Variants in CEP72 observed in about 807,000 individuals in gnomAD.
The protein encoded by CEP72 is centrosomal protein 72.
In CEP72, 78 loss-of-function variants were observed where a neutral mutation model predicts 65.7. That is an observed-to-expected ratio of 1.19 (90% confidence interval 0.99 to 1.43). The LOEUF (loss-of-function observed/expected upper bound fraction) is 1.43. CEP72 is among the 40% of genes most tolerant of loss of function. The pLI is 0.00. For missense variants in CEP72, 914 were observed against 832.9 expected (o/e 1.10, Z -1.20); for synonymous variants, 358 against 351.7 (o/e 1.02, Z -0.20).
chr5:643,512 C>G (rs975122433), intron 9 of CEP72: 1 of 985,386 alleles, frequency 1.0e-6, no homozygotes, highest in Non-Finnish European at 1.2e-6. Context: ...GGCGGGTGGG[C>G]TCACTGAGCG....
At chr5:648,063 T>C in intron 11 of CEP72, 147 bp downstream of exon 11, 1 of 612,022 alleles carries the variant, frequency 1.6e-6, no homozygotes, top group Non-Finnish European at 3.0e-6. Flanking sequence ...CACTGCTGAT[T>C]TGAAACTTTC....
At chr5:638,601 G>A (rs1182589624) in intron 7 of CEP72, among the ~76,000 whole-genome samples, 3 of 151,936 alleles carry the variant, frequency 2.0e-5, no homozygotes, top group African/African-American at 7.3e-5. Context: ...CGTGTTTGAC[G>A]TCCCCGGCAG....
chr5:638,230 C>G (rs946366536), intron 7 of CEP72, among the ~76,000 whole-genome samples: 2 of 152,148 alleles, frequency 1.3e-5, no homozygotes, highest in Admixed American at 6.5e-5. Flanking sequence ...AAGCTGGAAT[C>G]GGGCATCTTG....
downstream of CEP72, among the ~76,000 whole-genome samples, chr5:654,299 C>T (rs1739302584): frequency 6.9e-6 from 1 of 144,832 alleles, no homozygotes; most frequent in Admixed American, 6.9e-5. Context: ...TGTGCAGTTG[C>T]TGTGTGCTAG....
At chr5:654,917 CT>C (rs1386779760), downstream of CEP72, among the ~76,000 whole-genome samples, 1 of 145,872 alleles carries the variant, frequency 6.9e-6, no homozygotes, top group Non-Finnish European at 1.6e-5. Flanking sequence ...AAACGTGATG[CT>C]TTTTCATCCT....
chr5:664,826 G>A (rs1002994767), intron 2 of CEP72: 13 of 468,302 alleles, frequency 2.8e-5, no homozygotes, highest in Middle Eastern at 5.7e-4. Context: ...GCCCAGTGTG[G>A]TGTGATCCGC....
downstream of CEP72, among the ~76,000 whole-genome samples, chr5:670,299 C>T (rs1740171318): frequency 5.3e-5 from 8 of 152,244 alleles, no homozygotes; most frequent in Admixed American, 4.6e-4. Context: ...CGGGGGCCGG[C>T]GGGCGAGGTG....
downstream of CEP72, chr5:660,289 C>T (rs1226603230): frequency 6.6e-6 from 1 of 151,752 alleles, no homozygotes; most frequent in African/African-American, 2.4e-5. Flanking sequence ...CGATCCCTTT[C>T]AAGTTTCTCT....
intron 2 of CEP72, 92 bp downstream of exon 2, chr5:619,209 C>G (rs550110497): frequency 8.4e-7 from 1 of 1,193,564 alleles, no homozygotes; most frequent in South Asian, 1.3e-5. Context: ...TTGTAACCCT[C>G]TGCTTACATC....
intron 3 of CEP72, among the ~76,000 whole-genome samples, chr5:622,756 C>CT (rs981879203): frequency 1.3e-5 from 2 of 149,944 alleles, no homozygotes; most frequent in African/African-American, 2.5e-5. Context: ...AACAATGGAC[C>CT]CCCCCAAGAC....
chr5:670,199 C>T (rs985735666), downstream of CEP72, among the ~76,000 whole-genome samples: 7 of 152,252 alleles, frequency 4.6e-5, no homozygotes, highest in Admixed American at 1.3e-4. Context: ...TCCTCCGGGG[C>T]GGACGTCACA....
intron 1 of CEP72, among the ~76,000 whole-genome samples, chr5:617,495 A>G (rs902297411): frequency 2.0e-5 from 3 of 152,200 alleles, no homozygotes; most frequent in African/African-American, 7.2e-5. Context: ...TGGTCAGGAA[A>G]CCACAAGACT....
At chr5:619,722 T>C (rs1736255483) in intron 2 of CEP72, among the ~76,000 whole-genome samples, 1 of 152,184 alleles carries the variant, frequency 6.6e-6, no homozygotes, top group African/African-American at 2.4e-5. Context: ...GCCTCAGCTT[T>C]CTCATCTGTG....
chr5:669,432 T>TGGAACTGACAGTGCCC (rs1227537567), downstream of CEP72, among the ~76,000 whole-genome samples: 1 of 152,284 alleles, frequency 6.6e-6, no homozygotes, highest in East Asian at 1.9e-4. Flanking sequence ...CCACAGTGCC[T>TGGAACTGACAGTGCCC]GGAACTGACA....
chr5:671,080 C>T (rs941590516), downstream of CEP72, among the ~76,000 whole-genome samples: 3 of 152,226 alleles, frequency 2.0e-5, no homozygotes, highest in African/African-American at 7.2e-5. Context: ...ATGAAGCCCC[C>T]ACACAGCCGG....
downstream of CEP72, among the ~76,000 whole-genome samples, chr5:668,432 G>A (rs1350085100): frequency 5.8e-4 from 69 of 119,428 alleles, 2 homozygotes; most frequent in African/African-American, 2.2e-3. Flanking sequence ...CCGCGTGGGC[G>A]CCGTCAGGGA....
rs1266343509 is a variant in CEP72, at chr5:648,775, G to A, written c.1778+859G>A. Among the ~76,000 whole-genome samples the A allele has an allele frequency of 1.3e-4, 16 of 121,600 alleles. 1 individual carries two copies. The highest frequency in any genetic ancestry group is 4.9e-4 in the African/African-American group (15 of 30,732). 79.8% of individuals were successfully genotyped at this position (121,600 alleles called of 152,430 possible). ...TGGACTGTGAGGTGTGGACTGTGAG[G>A]TGTGACTGTGAGGTGTGACTGTGAG... On this transcript the variant is annotated intron_variant, in intron 11 of 11. Coordinates refer to ENST00000264935, the MANE Select transcript of CEP72 (RefSeq NM_018140.4).
chr5:674,298 C>CGGGGCTGGGATCTACGAA, the CEP72 span, among the ~76,000 whole-genome samples: 2 of 152,076 alleles, frequency 1.3e-5, no homozygotes, highest in African/African-American at 4.8e-5. Flanking sequence ...CCCAGGAGCA[C>CGGGGCTGGGATCTACGAA]GGGGCTGGGT....
downstream of CEP72, among the ~76,000 whole-genome samples, chr5:671,974 C>T (rs1740239265): frequency 6.6e-6 from 1 of 152,222 alleles, no homozygotes; most frequent in South Asian, 2.1e-4. Context: ...CTGACACCTG[C>T]TTTTCTGGGA....
Sources: gnomAD v4.1 joint callset for allele counts (sites outside exome capture counted in the v4.1 genomes callset) on GRCh38, gnomAD v4.1.1 for gene constraint, MANE v1.5 for transcripts, NCBI Gene and HGNC (gene_info 2026-07-23, HGNC 2026-07-21) for gene names.